Variants in AHRR observed in about 807,000 individuals in gnomAD.
AHRR encodes the protein aryl hydrocarbon receptor repressor.
AHRR carries 28 observed loss-of-function variants against 44.0 expected under a neutral mutation model. The ratio of observed to expected loss-of-function variants is 0.64; its 90% CI spans 0.47 to 0.87. The LOEUF (loss-of-function observed/expected upper bound fraction) is 0.87. Among genes scored for constraint, AHRR ranks in the 40% least tolerant of loss-of-function variants. The pLI, the probability that AHRR is intolerant of heterozygous loss-of-function variation, is 0.00. For synonymous variants in AHRR, 434 were observed against 407.0 expected (o/e 1.07, Z -0.80); for missense variants, 990 against 953.9 (o/e 1.04, Z -0.50).
intron 1 of AHRR, among the ~76,000 whole-genome samples, chr5:343,081 C>G (rs1742398821): frequency 6.6e-6 from 1 of 152,206 alleles, no homozygotes; most frequent in South Asian, 2.1e-4. Context: ...CTGCCACAAA[C>G]CGCACAGGGA....
chr5:324,061 T>G (rs533125726), intron 1 of AHRR, among the ~76,000 whole-genome samples: 2 of 150,890 alleles, frequency 1.3e-5, no homozygotes, highest in African/African-American at 4.9e-5. Flanking sequence ...CTCTCTCTCT[T>G]TCTTTCCTTT....
chr5:422,994 C>G lies in AHRR; in HGVS notation c.571+136C>G, dbSNP rs1736204077. The G allele has an allele frequency of 4.0e-6, 5 of 1,256,082 alleles. No homozygotes were observed. In the African/African-American group the frequency reaches 4.6e-5, roughly 12 times the overall value. The allele number at this position is 1,256,082 out of a possible 1,614,324, so 77.8% of individuals were successfully genotyped here. A position where few individuals can be genotyped will look rare whatever the true frequency, so the allele number is the denominator to read the frequency against. On this transcript the variant is annotated intron_variant, in intron 6 of 10. Transcript: ENST00000684583. The stretch of plus-strand genomic sequence containing the variant: ...CATTGACCTTAGCGCCAAATCTCAC[C>G]TTTCTTCAGAGGCCTCCTCCCATGT...
intron 4 of AHRR, among the ~76,000 whole-genome samples, chr5:377,899 G>A (rs1054425626): frequency 2.0e-5 from 3 of 152,308 alleles, no homozygotes; most frequent in East Asian, 3.9e-4. Flanking sequence ...GTCAGGGTCC[G>A]CCCGTCTGCT....
intron 3 of AHRR, among the ~76,000 whole-genome samples, chr5:371,177 C>A (rs965129045): frequency 1.3e-5 from 2 of 152,202 alleles, no homozygotes; most frequent in Admixed American, 6.5e-5. Flanking sequence ...CTGTCTAGTT[C>A]TCTCCAGCCC....
chr5:370,460 C>A lies in AHRR; in HGVS notation c.245-6150C>A, dbSNP rs1288706961. Among the ~76,000 whole-genome samples the A allele has an allele frequency of 1.3e-5, 2 of 152,144 alleles. No individual in the cohort carries two copies. Among genetic ancestry groups the A allele is most frequent in the Non-Finnish European group, 2.9e-5 (2 of 68,022 alleles). On this transcript the variant is annotated intron_variant, in intron 3 of 10. Coordinates refer to ENST00000684583, the MANE Select transcript of AHRR (RefSeq NM_001377236.1). The surrounding 1 kb of genome is among the most constrained non-coding windows in gnomAD (Gnocchi z 4.5). ...GTCGTAAGGGTCCCTCAGGAGGGAG[C>A]TTGAGCTGGAAGCAGGGGTGAGTGA...
intron 4 of AHRR, among the ~76,000 whole-genome samples, chr5:382,311 TAGA>T (rs1215523942): frequency 3.9e-5 from 6 of 152,252 alleles, no homozygotes; most frequent in African/African-American, 1.4e-4. Flanking sequence ...ATTTCTTTGT[TAGA>T]AGATTTTTAA....
intron 3 of AHRR, among the ~76,000 whole-genome samples, chr5:355,681 G>A (rs986245116): frequency 6.6e-6 from 1 of 152,228 alleles, no homozygotes; most frequent in South Asian, 2.1e-4. Flanking sequence ...GCCAGCGAGT[G>A]AGCTTCCCAT....
At chr5:352,825 T>C (rs1332840887) in intron 2 of AHRR, among the ~76,000 whole-genome samples, 1 of 150,308 alleles carries the variant, frequency 6.7e-6, no homozygotes, top group South Asian at 2.1e-4. Context: ...GTTAAATGGG[T>C]CAGCCGTAGG....
Position 404,751 on chromosome 5 carries a change from G to A in AHRR, c.352-8593G>A, listed in dbSNP as rs1267041633. On this transcript the variant is annotated intron_variant, in intron 4 of 10. Coordinates refer to ENST00000684583, the MANE Select transcript of AHRR (RefSeq NM_001377236.1). The surrounding 1 kb of genome is among the most constrained non-coding windows in gnomAD (Gnocchi z 4.1). ...CCTCCAAGAAAGATTTCTTCCAGCT[G>A]GTGGGAGGCTGGATGAGAAGGTGTT... Among the ~76,000 whole-genome samples the A allele has an allele frequency of 6.6e-6, 1 of 152,162 alleles. No homozygotes were observed. The highest frequency in any genetic ancestry group is 1.5e-5 in the Non-Finnish European group (1 of 68,034).
chr5:418,653 G>A (rs1426864730), intron 5 of AHRR: 2 of 140,878 alleles, frequency 1.4e-5, no homozygotes, highest in South Asian at 2.2e-4. Context: ...CAAAGCTCAG[G>A]GTTGCCTGTG....
In AHRR at chr5:330,942, C is replaced by T. The variant is rs529209353; in HGVS notation, c.-11+9123C>T. On this transcript the variant is annotated intron_variant, in intron 1 of 10. Coordinates refer to ENST00000684583, the MANE Select transcript of AHRR (RefSeq NM_001377236.1). ...AGGCTGGAGTGCAATGGTGTGATCTCGGCTCACTGCAAGCTCCGTCTCCTC... is the reference window on the plus strand; with the variant it reads ...AGGCTGGAGTGCAATGGTGTGATCTTGGCTCACTGCAAGCTCCGTCTCCTC... 3.9e-3 allele frequency among the ~76,000 whole-genome samples: 540 copies of T among 139,070 alleles called. 1 individual carries two copies. The highest frequency in any genetic ancestry group is 5.1e-3 in the Non-Finnish European group (337 of 65,888). 91.2% of individuals were successfully genotyped at this position (139,070 alleles called of 152,430 possible). A position where few individuals can be genotyped will look rare whatever the true frequency, so the allele number is the denominator to read the frequency against.
chr5:417,533 C>T (rs150951123), intron 5 of AHRR, among the ~76,000 whole-genome samples: 1,580 of 152,338 alleles, frequency 0.01, 63 homozygotes, highest in Admixed American at 0.073. Context: ...CTAGTTACTG[C>T]ATCTTGAGCT....
intron 4 of AHRR, among the ~76,000 whole-genome samples, chr5:410,072 C>T (rs1284348697): frequency 6.6e-6 from 1 of 152,254 alleles, no homozygotes; most frequent in East Asian, 1.9e-4. Context: ...GCTTGTCTAT[C>T]CTGACCTTGT....
At position 403,539 on chromosome 5, in the gene AHRR, A is replaced by G. The variant is rs559007355; in HGVS notation, c.352-9805A>G. Among the ~76,000 whole-genome samples, 132 of 151,878 alleles carry G rather than the reference A, an allele frequency of 8.7e-4. 3 individuals are homozygous for G. In the Middle Eastern group the frequency reaches 0.02, roughly 23 times the overall value. ...TAATCCCAGCTACTCGGGAGGCTGC[A>G]GCAGGAGAACTGCTTGAACCTGGGA... On this transcript the variant is annotated intron_variant, in intron 4 of 10. Coordinates refer to ENST00000684583, the MANE Select transcript of AHRR (RefSeq NM_001377236.1).
intron 4 of AHRR, among the ~76,000 whole-genome samples, chr5:381,807 C>A (rs1424411145): frequency 2.0e-5 from 3 of 152,114 alleles, no homozygotes; most frequent in Non-Finnish European, 4.4e-5. Context: ...AGCCACCGTA[C>A]CCAGCCTGCT....
intron 2 of AHRR, among the ~76,000 whole-genome samples, chr5:344,510 G>A (rs1579602430): frequency 1.6e-3 from 4 of 2,472 alleles, no homozygotes; most frequent in East Asian, 6.6e-3. Flanking sequence ...GTGGGTGTGT[G>A]TGTGTGAGGC....
intron 5 of AHRR, among the ~76,000 whole-genome samples, chr5:413,868 G>A (rs969116077): frequency 6.6e-6 from 1 of 152,214 alleles, no homozygotes; most frequent in Non-Finnish European, 1.5e-5. Context: ...TGCCCAGCCA[G>A]CCCCAGGTGG....
chr5:415,663 CCGAA>C, intron 5 of AHRR, among the ~76,000 whole-genome samples: 1 of 135,342 alleles, frequency 7.4e-6, no homozygotes, highest in African/African-American at 2.6e-5. Context: ...GGCCTAGGGG[CCGAA>C]TCTGCCTGGT....
rs1735236092 is a variant in AHRR at position 405,928 on chromosome 5, C to G, written c.352-7416C>G. On this transcript the variant is annotated intron_variant, in intron 4 of 10. Transcript: ENST00000684583. The surrounding 1 kb of genome is among the most constrained non-coding windows in gnomAD (Gnocchi z 4.5). The stretch of plus-strand genomic sequence containing the variant: ...TCCTCCTGAATTAGGCGTGGTGTGG[C>G]AGCGTCCAGGGAAGAACACGCAGCC... Among the ~76,000 whole-genome samples the G allele has an allele frequency of 6.6e-6, 1 of 152,172 alleles. No homozygotes were observed. The highest frequency in any genetic ancestry group is 1.5e-5 in the Non-Finnish European group (1 of 68,036).
Sources: allele counts gnomAD v4.1 joint callset (sites outside exome capture counted in the v4.1 genomes callset), GRCh38; gene constraint gnomAD v4.1.1; non-coding constraint Gnocchi (gnomAD v3.1); transcripts MANE v1.5; gene names NCBI Gene and HGNC (gene_info 2026-07-23, HGNC 2026-07-21).